Variants in OSBPL2 observed in about 807,000 individuals in gnomAD.
OSBPL2 encodes oxysterol binding protein like 2.
A neutral mutation model predicts 58.4 loss-of-function variants in OSBPL2; 18 were observed. The ratio of observed to expected loss-of-function variants is 0.31; its 90% CI spans 0.21 to 0.46. OSBPL2 has a LOEUF of 0.46. OSBPL2 is among the 20% of genes least tolerant of loss of function. The pLI is 1.00. For missense variants in OSBPL2, 461 were observed against 616.5 expected, an observed-to-expected ratio of 0.75 and a Z score of 2.67; for synonymous variants, 221 against 234.1, an observed-to-expected ratio of 0.94 and a Z score of 0.51.
intron 3 of OSBPL2, 94 bp downstream of exon 3, chr20:62,260,219 C>T: frequency 1.6e-6 from 2 of 1,222,768 alleles, no homozygotes; most frequent in South Asian, 2.8e-5. Context: ...GAGCATTGAG[C>T]TGGAGTGGCA....
In OSBPL2 at chr20:62,288,388, G is replaced by A. The variant is rs1983267410; in HGVS notation, c.1126-819G>A. On this transcript the variant is annotated intron_variant, in intron 11 of 13. Transcript: ENST00000313733. The surrounding 1 kb of genome is among the most constrained non-coding windows in gnomAD (Gnocchi z 4.8). ...GAGGGCTGCAGAGGCCGGAGGCTGTGGGTGCAGAGGCTGGGAGGCTGTGGG... is the reference window on the plus strand; with the variant it reads ...GAGGGCTGCAGAGGCCGGAGGCTGTAGGTGCAGAGGCTGGGAGGCTGTGGG... Among the ~76,000 whole-genome samples the A allele has an allele frequency of 6.9e-6, 1 of 145,142 alleles. No homozygotes were observed. The highest frequency in any genetic ancestry group is 1.6e-5 in the Non-Finnish European group (1 of 63,908).
At chr20:62,289,131 C>T in intron 11 of OSBPL2, 76 bp from the exon 12 acceptor site, 4 of 1,537,040 alleles carry the variant, frequency 2.6e-6, no homozygotes, top group Non-Finnish European at 3.6e-6. Context: ...ATTTCAGGGG[C>T]CCACTGGGGG....
At chr20:62,254,569 T>G (rs1186417609) in intron 1 of OSBPL2, among the ~76,000 whole-genome samples, 1 of 152,252 alleles carries the variant, frequency 6.6e-6, no homozygotes, top group Non-Finnish European at 1.5e-5. Flanking sequence ...GCTGTCCTGT[T>G]GTCTGGAGGG....
At chr20:62,261,853 G>C (rs1466500879) in intron 3 of OSBPL2, among the ~76,000 whole-genome samples, 4 of 152,152 alleles carry the variant, frequency 2.6e-5, no homozygotes, top group African/African-American at 9.7e-5. Flanking sequence ...CTGCCTCCCA[G>C]GTTCAGATGA....
chr20:62,280,137 G>A (rs1982688408), intron 7 of OSBPL2: 2 of 1,301,790 alleles, frequency 1.5e-6, no homozygotes, highest in East Asian at 5.5e-5. Context: ...GTCTTGCCAA[G>A]CCACTGCCTG....
Position 62,251,813 on chromosome 20 carries a change from G to A in OSBPL2, c.-128-4244G>A, listed in dbSNP as rs1329010965. Among the ~76,000 whole-genome samples, 4 of 144,666 alleles carry A rather than the reference G, an allele frequency of 2.8e-5. No individual in the cohort carries two copies. The East Asian group carries it at 8.2e-4, about 30-fold the overall frequency. 94.9% of individuals were successfully genotyped at this position (144,666 alleles called of 152,430 possible). On this transcript the variant is annotated intron_variant, in intron 1 of 13. Coordinates refer to ENST00000313733, the MANE Select transcript of OSBPL2 (RefSeq NM_144498.4). ...TGTCTCCATGAAATCCTGTCTGCCT[G>A]TGTGTAGGCCTTGTTTGCATCCTGT...
rs995544315 is a variant in OSBPL2 at position 62,280,986 on chromosome 20, C to T, written c.675-72C>T. ...TTGCTGTGACCCAGCCCCGCCTGGT[C>T]GTTGCGTCTTGGGTCACGTCGTGTC... is the stretch of plus-strand genomic sequence containing the variant. On this transcript the variant is annotated intron_variant, in intron 7 of 13. Coordinates refer to ENST00000313733, the MANE Select transcript of OSBPL2 (RefSeq NM_144498.4). The T allele has an allele frequency of 4.8e-5, 58 of 1,220,142 alleles. No individual in the cohort carries two copies. The South Asian group carries it at 6.1e-4, about 13-fold the overall frequency. 75.6% of individuals were successfully genotyped at this position (1,220,142 alleles called of 1,614,324 possible).
At chr20:62,282,434 G>A (rs1209661034) in intron 9 of OSBPL2, among the ~76,000 whole-genome samples, 1 of 152,096 alleles carries the variant, frequency 6.6e-6, no homozygotes, top group Non-Finnish European at 1.5e-5. Context: ...TGTAATCTGG[G>A]TCTCACATTT....
intron 2 of OSBPL2, among the ~76,000 whole-genome samples, chr20:62,258,457 A>T (rs1282976026): frequency 6.6e-6 from 1 of 152,258 alleles, no homozygotes; most frequent in African/African-American, 2.4e-5. Flanking sequence ...TTTGGAGGAC[A>T]TGAACAGTGT....
At chr20:62,275,777 TTC>T (rs1377473471) in intron 6 of OSBPL2, among the ~76,000 whole-genome samples, 1 of 152,068 alleles carries the variant, frequency 6.6e-6, no homozygotes, top group Non-Finnish European at 1.5e-5. Context: ...CAGCATTTTT[TTC>T]TTTCTTTCAT....
intron 1 of OSBPL2, 144 bp from the exon 2 acceptor site, chr20:62,255,913 A>G (rs749759540): frequency 7.6e-6 from 3 of 392,748 alleles, no homozygotes; most frequent in African/African-American, 4.2e-5. Context: ...TTTTGAAATT[A>G]TGTTTGTGAT....
At chr20:62,252,588 T>A (rs529870954) in intron 1 of OSBPL2, among the ~76,000 whole-genome samples, 1 of 152,302 alleles carries the variant, frequency 6.6e-6, no homozygotes, top group South Asian at 2.1e-4. Context: ...TGAGTCGCCG[T>A]GGTGTGGCCT....
chr20:62,284,006 A>G (rs150702070), intron 9 of OSBPL2, 40 bp from the exon 10 acceptor site: 1 of 1,588,090 alleles, frequency 6.3e-7, no homozygotes, highest in East Asian at 2.2e-5. Flanking sequence ...ATGGTTTGTA[A>G]TGACTAAGAC....
At position 62,252,121 on chromosome 20, in the gene OSBPL2, C is replaced by T. The variant is rs564819039; in HGVS notation, c.-128-3936C>T. On this transcript the variant is annotated intron_variant, in intron 1 of 13. Transcript: ENST00000313733. Reference sequence around the variant, plus strand: ...CTGATATCCAACCCCTGGGCTCAAGCGATCCACCTGCCTCAGCCTCCCAAA... The same window carrying T: ...CTGATATCCAACCCCTGGGCTCAAGTGATCCACCTGCCTCAGCCTCCCAAA... 6.0e-5 allele frequency among the ~76,000 whole-genome samples: 9 copies of T among 150,108 alleles called. No homozygotes were observed. In the South Asian group the frequency reaches 1.3e-3, roughly 21 times the overall value.
chr20:62,293,733 G>A (rs1296079373), intron 13 of OSBPL2, 52 bp from the exon 14 acceptor site: 7 of 1,561,384 alleles, frequency 4.5e-6, no homozygotes, highest in Admixed American at 1.8e-5. Flanking sequence ...ACAGGGCTGC[G>A]TTTTCCTTTT....
At chr20:62,260,158 GTGTC>G in intron 3 of OSBPL2, 33 bp downstream of exon 3, 1 of 1,605,898 alleles carries the variant, frequency 6.2e-7, no homozygotes. Flanking sequence ...TTTCTAAAAT[GTGTC>G]TGTAATCACC....
chr20:62,260,116 A>G lies in OSBPL2; in HGVS notation c.173A>G (p.Gln58Arg). The G allele has an allele frequency of 6.2e-7, 1 of 1,613,804 alleles. No homozygotes were observed. The highest frequency in any genetic ancestry group is 8.5e-7 in the Non-Finnish European group (1 of 1,179,870). ...GERPSQENGI[Q>R]KHRTSLPAPM... ...AGGCCCTCTCAAGAGAACGGAATTC[A>G]GAAACACAGGTATGTTCTCTCACGT... Residue 58 changes from glutamine (Q) to arginine (R), a missense_variant, in exon 3 of 14, where the codon CAG (glutamine) becomes CGG (arginine). By Grantham distance (43) the Gln-to-Arg change is conservative. This residue lies in a region of OSBPL2 where 80 missense variants were observed against 74.8 expected (regional missense o/e 1.07). Transcript: ENST00000313733.
At chr20:62,282,344 A>T (rs766359828) in intron 9 of OSBPL2, among the ~76,000 whole-genome samples, 61 of 152,182 alleles carry the variant, frequency 4.0e-4, no homozygotes, top group Admixed American at 7.2e-4. Context: ...GACTTTCGCA[A>T]GTTTTTGTGA....
chr20:62,254,838 T>C (rs1356180765), intron 1 of OSBPL2, among the ~76,000 whole-genome samples: 2 of 152,178 alleles, frequency 1.3e-5, no homozygotes, highest in African/African-American at 4.8e-5. Context: ...GCTAAGGTCG[T>C]TGTGAGAAAA....
Sources: allele counts gnomAD v4.1 joint callset (sites outside exome capture counted in the v4.1 genomes callset), GRCh38; gene constraint gnomAD v4.1.1; regional missense constraint gnomAD v4.1.1; non-coding constraint Gnocchi (gnomAD v3.1); transcripts MANE v1.5; gene names NCBI Gene and HGNC (gene_info 2026-07-23, HGNC 2026-07-21).